USP25: variants seen among roughly 807,000 people sequenced by gnomAD.
USP25 encodes ubiquitin specific peptidase 25.
A neutral mutation model predicts 158.5 loss-of-function variants in USP25; 85 were observed. That is an observed-to-expected ratio of 0.54 (90% CI 0.45 to 0.64). The LOEUF (loss-of-function observed/expected upper bound fraction) is 0.64, where lower values mean the gene tolerates loss of function less well. USP25 is among the 30% of genes least tolerant of loss of function. The pLI, the probability that USP25 is intolerant of heterozygous loss-of-function variation, is 0.00. For missense variants in USP25, 1,242 were observed against 1,327.3 expected (o/e 0.94, Z 1.00); for synonymous variants, 464 against 460.4 (o/e 1.01, Z -0.10).
intron 1 of USP25, among the ~76,000 whole-genome samples, chr21:15,732,033 A>G (rs889557360): frequency 2.0e-5 from 3 of 152,204 alleles, no homozygotes. Flanking sequence ...GATTTTGACT[A>G]AACTGTATTA....
intron 5 of USP25, among the ~76,000 whole-genome samples, chr21:15,792,815 A>G (rs2035662009): frequency 6.6e-6 from 1 of 151,540 alleles, no homozygotes; most frequent in Admixed American, 6.6e-5. Flanking sequence ...GCTGTGGTGC[A>G]TCCTAATAAG....
intron 10 of USP25, 61 bp downstream of exon 10, chr21:15,818,907 A>T: frequency 6.5e-7 from 1 of 1,546,726 alleles, no homozygotes; most frequent in Non-Finnish European, 8.8e-7. Context: ...ATGCTATAGC[A>T]CAATGTAAGG....
intron 5 of USP25, among the ~76,000 whole-genome samples, chr21:15,797,442 A>G (rs1226186834): frequency 6.6e-6 from 1 of 151,478 alleles, no homozygotes; most frequent in East Asian, 1.9e-4. Context: ...ATACCTTTAA[A>G]CATCAAGTCA....
At chr21:15,852,133 T>C (rs1289415737) in intron 20 of USP25, among the ~76,000 whole-genome samples, 1 of 152,080 alleles carries the variant, frequency 6.6e-6, no homozygotes, top group Non-Finnish European at 1.5e-5. Flanking sequence ...GGAGATTGAG[T>C]CGAATTTGAC....
chr21:15,761,691 G>C (rs1469003235), intron 1 of USP25, among the ~76,000 whole-genome samples: 1 of 152,200 alleles, frequency 6.6e-6, no homozygotes, highest in African/African-American at 2.4e-5. Context: ...CCTGTAGGAG[G>C]AATCAGGGGA....
intron 9 of USP25, 150 bp downstream of exon 9, chr21:15,811,360 A>G (rs1268484252): frequency 1.5e-6 from 1 of 667,716 alleles, no homozygotes; most frequent in Non-Finnish European, 2.5e-6. Context: ...TGTTATTCAC[A>G]TAAAGCACAG....
intron 9 of USP25, among the ~76,000 whole-genome samples, chr21:15,815,885 G>A (rs118032446): frequency 0.025 from 3,772 of 152,266 alleles, 63 homozygotes; most frequent in Middle Eastern, 0.048. Flanking sequence ...AGGCGGAAGG[G>A]ACTTAACCTT....
chr21:15,802,827 A>G (rs1340607085), intron 6 of USP25, among the ~76,000 whole-genome samples: 1 of 151,708 alleles, frequency 6.6e-6, no homozygotes, highest in Non-Finnish European at 1.5e-5. Flanking sequence ...TGTGAACCAA[A>G]TATCAGAAAA....
At position 15,823,988 on chromosome 21, in the gene USP25, A is replaced by G. The variant is rs74897879; in HGVS notation, c.1081-51A>G. On this transcript the variant is annotated intron_variant, in intron 10 of 25. Transcript: ENST00000400183. ...CATCCTGTGCCTAAGATTGCAGTGAAGAAAACAAAGGTGGTATTAAAGTTT... is the reference window on the plus strand; with the variant it reads ...CATCCTGTGCCTAAGATTGCAGTGAGGAAAACAAAGGTGGTATTAAAGTTT... The G allele has an allele frequency of 4.7e-3, 7,280 of 1,562,450 alleles. 215 individuals are homozygous for G. In the African/African-American group the frequency reaches 0.072, roughly 15 times the overall value.
intron 1 of USP25, among the ~76,000 whole-genome samples, chr21:15,734,905 G>A (rs1448400682): frequency 1.4e-4 from 22 of 152,060 alleles, no homozygotes; most frequent in Admixed American, 1.2e-3. Flanking sequence ...CGTGTAAGGC[G>A]CTGTGCTGAG....
intron 3 of USP25, among the ~76,000 whole-genome samples, chr21:15,775,392 C>T (rs1454072427): frequency 6.6e-6 from 1 of 152,176 alleles, no homozygotes; most frequent in Non-Finnish European, 1.5e-5. Context: ...GAGGAAAGCT[C>T]TAGCTCAGAC....
chr21:15,798,854 A>G (rs1263389131), intron 5 of USP25, among the ~76,000 whole-genome samples: 1 of 151,074 alleles, frequency 6.6e-6, no homozygotes, highest in African/African-American at 2.4e-5. Flanking sequence ...TTGTTTCCTC[A>G]TTGATTTGTG....
At chr21:15,772,202 ATT>A (rs1299163186) in intron 3 of USP25, among the ~76,000 whole-genome samples, 1 of 152,184 alleles carries the variant, frequency 6.6e-6, no homozygotes, top group African/African-American at 2.4e-5. Flanking sequence ...ACTAGCATAT[ATT>A]TTGGAGTTAG....
rs1249628943 is a variant in USP25 at position 15,827,123 on chromosome 21, G to A, written c.1613G>A (p.Arg538Lys). The A allele has an allele frequency of 6.2e-7, 1 of 1,614,104 alleles. No homozygotes were observed. Among genetic ancestry groups the A allele is most frequent in the Admixed American group, 1.7e-5 (1 of 60,002 alleles). The change falls in exon 14 of 26, where the codon AGG (arginine) becomes AAG (lysine). Residue 538 changes from arginine (R) to lysine (K), a missense_variant. By Grantham distance (26) the Arg-to-Lys change is conservative. Coordinates refer to ENST00000400183, the MANE Select transcript of USP25 (RefSeq NM_001283041.3). The stretch of plus-strand genomic sequence containing the variant: ...GATTTGCCCATGCATCCGGCACCAA[G>A]GCACATAACGGAGGAAGAACTTTCT... ...PPDLPMHPAP[R>K]HITEEELSVL...
chr21:15,743,199 G>A (rs1182348458), intron 1 of USP25, among the ~76,000 whole-genome samples: 2 of 152,214 alleles, frequency 1.3e-5, no homozygotes, highest in African/African-American at 4.8e-5. Flanking sequence ...GGCCCCCAGA[G>A]GGGTCGCGGC....
rs1052075912 is a variant in USP25, at chr21:15,730,332, GCC to G, written c.-61_-60del. On this transcript the variant is annotated 5_prime_UTR_variant, in exon 1 of 26. Coordinates refer to ENST00000400183, the MANE Select transcript of USP25 (RefSeq NM_001283041.3). ...AGCTCGGCGGAGCGCGGCAGCCAGG[GCC>G]GGCGGAGGCGCGAGGAGCCGGGCGC... is the stretch of plus-strand genomic sequence containing the variant. 9.2e-7 allele frequency: 1 copy of G among 1,081,278 alleles called. No individual in the cohort carries two copies. The highest frequency in any genetic ancestry group is 1.1e-6 in the Non-Finnish European group (1 of 893,676). 67.0% of individuals were successfully genotyped at this position (1,081,278 alleles called of 1,614,324 possible).
intron 23 of USP25, among the ~76,000 whole-genome samples, chr21:15,873,952 T>A (rs781406236): frequency 1.2e-4 from 18 of 150,578 alleles, no homozygotes; most frequent in Non-Finnish European, 2.5e-4. Flanking sequence ...TAAAACTGTC[T>A]GCACATAGAA....
Position 15,818,996 on chromosome 21 carries a change from T to G in USP25, c.1080+150T>G, listed in dbSNP as rs2037093188. The G allele has an allele frequency of 1.9e-5, 17 of 911,026 alleles. No homozygotes were observed. The South Asian group carries it at 1.9e-4, about 10-fold the overall frequency. 56.4% of individuals were successfully genotyped at this position (911,026 alleles called of 1,614,324 possible). A position where few individuals can be genotyped will look rare whatever the true frequency, so the allele number is the denominator to read the frequency against. On this transcript the variant is annotated intron_variant, in intron 10 of 25. Transcript: ENST00000400183. Reference sequence around the variant, plus strand: ...TGGATTTAATTGGTAATTTAGACATTCAGGAGACCTGTCCAGTCAATATGG... The same window carrying G: ...TGGATTTAATTGGTAATTTAGACATGCAGGAGACCTGTCCAGTCAATATGG...
At chr21:15,748,813 A>G (rs940357115) in intron 1 of USP25, among the ~76,000 whole-genome samples, 14 of 152,166 alleles carry the variant, frequency 9.2e-5, no homozygotes, top group African/African-American at 3.4e-4. Flanking sequence ...CTAATTTGGC[A>G]TTTGTGGCTT....
Sources: allele counts gnomAD v4.1 joint callset (sites outside exome capture counted in the v4.1 genomes callset), GRCh38; gene constraint gnomAD v4.1.1; transcripts MANE v1.5; gene names NCBI Gene and HGNC (gene_info 2026-07-23, HGNC 2026-07-21).